The following ZMAT4 variants were observed in gnomAD, a reference collection of about 807,000 sequenced individuals.
ZMAT4 encodes the protein zinc finger matrin-type 4, also known as zinc finger matrin-type protein 4.
In ZMAT4, 17 loss-of-function variants were observed where a neutral mutation model predicts 28.7. That is an observed-to-expected ratio of 0.59 (90% CI 0.41 to 0.89). ZMAT4 has a LOEUF of 0.89. ZMAT4 is among the 40% of genes least tolerant of loss of function. ZMAT4 has a pLI of 0.00. For synonymous variants in ZMAT4, 117 were observed against 109.2 expected, an observed-to-expected ratio of 1.07 and a Z score of -0.44; for missense variants, 240 against 283.8, an observed-to-expected ratio of 0.85 and a Z score of 1.11.
At chr8:40,859,935 G>C (rs1324750564) in intron 1 of ZMAT4, among the ~76,000 whole-genome samples, 1 of 152,154 alleles carries the variant, frequency 6.6e-6, no homozygotes, top group Non-Finnish European at 1.5e-5. Context: ...GAAAGATGTC[G>C]AGGTTAGGCT....
intron 2 of ZMAT4, among the ~76,000 whole-genome samples, chr8:40,776,939 T>TG (rs1429958194): frequency 1.8e-4 from 25 of 141,732 alleles, no homozygotes; most frequent in Admixed American, 3.5e-4. Context: ...TTTTTTTTTT[T>TG]GTAAAGTCAT....
At chr8:40,566,522 A>G (rs1009012332) in intron 6 of ZMAT4, among the ~76,000 whole-genome samples, 4 of 152,062 alleles carry the variant, frequency 2.6e-5, no homozygotes, top group Non-Finnish European at 4.4e-5. Context: ...TCTCCTTTCC[A>G]TGGGAGGTGC....
At chr8:40,862,452 G>A (rs1252333890) in intron 1 of ZMAT4, among the ~76,000 whole-genome samples, 1 of 148,918 alleles carries the variant, frequency 6.7e-6, no homozygotes, top group Non-Finnish European at 1.5e-5. Context: ...GATAGCATTG[G>A]GAGATATACC....
At chr8:40,843,180 C>G (rs1816761158) in intron 1 of ZMAT4, among the ~76,000 whole-genome samples, 1 of 152,208 alleles carries the variant, frequency 6.6e-6, no homozygotes, top group Non-Finnish European at 1.5e-5. Context: ...TTCCTTCTAC[C>G]CATCTCTTCT....
intron 2 of ZMAT4, among the ~76,000 whole-genome samples, chr8:40,821,549 T>C (rs1050351161): frequency 6.6e-6 from 1 of 152,192 alleles, no homozygotes; most frequent in East Asian, 1.9e-4. Flanking sequence ...TGGTTAGACA[T>C]ATATTAGGTT....
intron 2 of ZMAT4, among the ~76,000 whole-genome samples, chr8:40,794,769 C>A (rs34473393): frequency 0.16 from 23,690 of 152,026 alleles, 2,101 homozygotes; most frequent in Non-Finnish European, 0.2. Flanking sequence ...GTTTTCTCCT[C>A]TCTGGGTCTT....
chr8:40,613,106 C>T (rs11997463), intron 5 of ZMAT4, among the ~76,000 whole-genome samples: 16 of 151,378 alleles, frequency 1.1e-4, no homozygotes, highest in Admixed American at 5.9e-4. Context: ...CCACCGTGAC[C>T]GGCCTCTATC....
intron 3 of ZMAT4, among the ~76,000 whole-genome samples, chr8:40,715,088 C>G (rs1471332493): frequency 7.0e-6 from 1 of 141,924 alleles, no homozygotes; most frequent in African/African-American, 2.7e-5. Flanking sequence ...TAAAGGGGTC[C>G]AAGAAGACCT....
intron 5 of ZMAT4, among the ~76,000 whole-genome samples, chr8:40,612,110 T>C (rs1271952127): frequency 6.6e-6 from 1 of 152,172 alleles, no homozygotes; most frequent in Non-Finnish European, 1.5e-5. Flanking sequence ...AGAATGAAGA[T>C]AATACCTTTC....
At chr8:40,580,646 G>T (rs1218597233) in intron 6 of ZMAT4, among the ~76,000 whole-genome samples, 1 of 151,846 alleles carries the variant, frequency 6.6e-6, no homozygotes, top group Admixed American at 6.6e-5. Context: ...AAAATTATGA[G>T]AATATTTGAA....
chr8:40,667,974 G>A (rs1808499783), intron 5 of ZMAT4, among the ~76,000 whole-genome samples: 1 of 152,116 alleles, frequency 6.6e-6, no homozygotes, highest in Non-Finnish European at 1.5e-5. Context: ...CAGCTTTTAT[G>A]TGAGTGCAGG....
intron 1 of ZMAT4, among the ~76,000 whole-genome samples, chr8:40,889,357 T>C (rs2150670067): frequency 6.6e-6 from 1 of 152,312 alleles, no homozygotes; most frequent in East Asian, 1.9e-4. Context: ...GCATTTCACA[T>C]CTTAGTGAAC....
At chr8:40,787,726 A>C (rs1322096074) in intron 2 of ZMAT4, among the ~76,000 whole-genome samples, 2 of 152,210 alleles carry the variant, frequency 1.3e-5, no homozygotes, top group African/African-American at 4.8e-5. Flanking sequence ...AGTGTGACTC[A>C]CAGGCAGAGA....
At chr8:40,716,947 C>T (rs976403341) in intron 3 of ZMAT4, among the ~76,000 whole-genome samples, 42 of 152,144 alleles carry the variant, frequency 2.8e-4, no homozygotes, top group African/African-American at 9.2e-4. Context: ...GTTCCCTGGA[C>T]GCTAGCATAC....
chr8:40,718,909 A>G (rs1257406169), intron 3 of ZMAT4, among the ~76,000 whole-genome samples: 2 of 152,160 alleles, frequency 1.3e-5, no homozygotes, highest in African/African-American at 4.8e-5. Context: ...AATTTCTGAC[A>G]TATATACACT....
At chr8:40,756,367 C>T (rs1296321534) in intron 3 of ZMAT4, among the ~76,000 whole-genome samples, 1 of 142,714 alleles carries the variant, frequency 7.0e-6, no homozygotes, top group Non-Finnish European at 1.5e-5. Flanking sequence ...CAACACTTAT[C>T]AAAATTATAA....
At chr8:40,745,610 G>A (rs531621580) in intron 3 of ZMAT4, among the ~76,000 whole-genome samples, 3 of 152,246 alleles carry the variant, frequency 2.0e-5, no homozygotes, top group East Asian at 3.9e-4. Context: ...ATTCAAGCAC[G>A]ATGGCTCTGA....
intron 1 of ZMAT4, among the ~76,000 whole-genome samples, chr8:40,843,691 G>A (rs1816780436): frequency 6.6e-6 from 1 of 152,178 alleles, no homozygotes; most frequent in Non-Finnish European, 1.5e-5. Context: ...GCTAGCTCTA[G>A]GATCTCAAGG....
At chr8:40,576,898 A>G (rs1172294320) in intron 6 of ZMAT4, among the ~76,000 whole-genome samples, 8 of 152,212 alleles carry the variant, frequency 5.3e-5, no homozygotes, top group African/African-American at 1.9e-4. Flanking sequence ...AAGTCAGTGT[A>G]TTTAAGAAAT....
Sources: allele counts gnomAD v4.1 joint callset (sites outside exome capture counted in the v4.1 genomes callset), GRCh38; gene constraint gnomAD v4.1.1; transcripts MANE v1.5; gene names NCBI Gene and HGNC (gene_info 2026-07-23, HGNC 2026-07-21).